The following HIVEP1 variants were observed in gnomAD, a reference collection of about 807,000 sequenced individuals.
HIVEP1 encodes zinc finger protein 40.
Under a neutral mutation model 180.0 loss-of-function variants are expected in HIVEP1, and 36 were observed. That is an observed-to-expected ratio of 0.20 (90% CI 0.15 to 0.26). The LOEUF (loss-of-function observed/expected upper bound fraction) is 0.26, where lower values mean the gene tolerates loss of function less well. Ranked by LOEUF, HIVEP1 falls within the 10% of genes least tolerant of loss-of-function variation. The pLI is 1.00. For synonymous variants in HIVEP1, 1,239 were observed against 1,239.0 expected (o/e 1.00, Z 0.00); for missense variants, 3,143 against 3,268.7 (o/e 0.96, Z 0.94).
Position 12,125,465 on chromosome 6 carries a change from CAAT to C in HIVEP1, c.5673_5675del (p.Asn1892del), listed in dbSNP as rs778314191. 13 of 1,613,976 alleles carry C rather than the reference CAAT, an allele frequency of 8.1e-6. No individual in the cohort carries two copies. The Admixed American group carries it at 1.0e-4, about 12-fold the overall frequency. On this transcript the variant is annotated inframe_deletion, in exon 4 of 9. Coordinates refer to ENST00000379388, the MANE Select transcript of HIVEP1 (RefSeq NM_002114.4). ...ATATTTCTCCTTTGAAATGTACAGA[CAAT>C]AACCAAGAAAGGAAGTCTCCAGGGG...
At chr6:12,053,187 G>T (rs1770646169) in intron 2 of HIVEP1, among the ~76,000 whole-genome samples, 1 of 152,028 alleles carries the variant, frequency 6.6e-6, no homozygotes, top group Non-Finnish European at 1.5e-5. Context: ...AGTAGACAAG[G>T]TATAAAATTA....
downstream of HIVEP1, among the ~76,000 whole-genome samples, chr6:12,165,489 T>C (rs1476018266): frequency 1.3e-5 from 2 of 152,182 alleles, no homozygotes; most frequent in African/African-American, 2.4e-5. Context: ...TGTCCAAGAT[T>C]ACCGAAGAGC....
intron 3 of HIVEP1, among the ~76,000 whole-genome samples, chr6:12,114,951 G>T (rs1775127213): frequency 6.6e-6 from 1 of 152,150 alleles, no homozygotes; most frequent in African/African-American, 2.4e-5. Context: ...TACTACTTAT[G>T]TTCCTAAGGC....
chr6:12,174,000 T>A, the HIVEP1 span, among the ~76,000 whole-genome samples: 1 of 152,216 alleles, frequency 6.6e-6, no homozygotes, highest in East Asian at 1.9e-4. Flanking sequence ...TGCCCTTTAA[T>A]ACATTTGAAT....
At chr6:12,157,777 T>G (rs1490419242) in intron 7 of HIVEP1, among the ~76,000 whole-genome samples, 2 of 152,182 alleles carry the variant, frequency 1.3e-5, no homozygotes, top group East Asian at 3.8e-4. Context: ...CCTGAGGAAC[T>G]TCCGTTTAAC....
chr6:12,186,462 C>G, the HIVEP1 span, among the ~76,000 whole-genome samples: 1 of 149,654 alleles, frequency 6.7e-6, no homozygotes, highest in Non-Finnish European at 1.5e-5. Context: ...TGTGAAGGAA[C>G]TTTCTGGGAT....
Position 12,125,349 on chromosome 6 carries a change from A to T in HIVEP1, c.5554A>T (p.Ile1852Leu). 1.9e-6 allele frequency: 3 copies of T among 1,614,214 alleles called. No individual in the cohort carries two copies. Among genetic ancestry groups the T allele is most frequent in the Non-Finnish European group, 2.5e-6 (3 of 1,180,036 alleles). The change falls in exon 4 of 9, where the codon ATA becomes TTA. Residue 1852 changes from isoleucine to leucine, a missense_variant. Coordinates refer to ENST00000379388, the MANE Select transcript of HIVEP1 (RefSeq NM_002114.4). ...GCSKFVVIEP[I>L]SELQEFENIK... ...CTCTAAATTTGTCGTTATAGAACCT[A>T]TAAGTGAATTGCAGGAATTTGAAAA...
chr6:12,153,952 C>T (rs988320206), intron 7 of HIVEP1, among the ~76,000 whole-genome samples: 7 of 152,066 alleles, frequency 4.6e-5, no homozygotes, highest in South Asian at 4.1e-4. Context: ...GTTCAAGACC[C>T]GCCTGACCAA....
In HIVEP1 at chr6:12,125,652, T is replaced by C. The variant is rs1471393345; in HGVS notation, c.5857T>C (p.Leu1953=). Reference sequence around the variant, plus strand: ...GTGTTATCTCTTAAGGCAGAAGTCGTTGCATTTGCCTCAGAAGGACCAGAA... The same window carrying C: ...GTGTTATCTCTTAAGGCAGAAGTCGCTGCATTTGCCTCAGAAGGACCAGAA... ...TWCYLLRQKS[L]HLPQKDQKTS... Residue 1953 remains leucine (L), a synonymous_variant, in exon 4 of 9, where the codon TTG becomes CTG. Transcript: ENST00000379388. The C allele has an allele frequency of 3.1e-6, 5 of 1,614,074 alleles. No homozygotes were observed. In the African/African-American group the frequency reaches 5.3e-5, roughly 17 times the overall value.
downstream of HIVEP1, among the ~76,000 whole-genome samples, chr6:12,166,408 C>T (rs369067828): frequency 5.9e-5 from 9 of 152,136 alleles, no homozygotes; most frequent in South Asian, 1.9e-3. Context: ...TTTCATAATG[C>T]TGTAATGTAC....
Position 12,164,629 on chromosome 6 carries a change from T to C in HIVEP1, c.*168T>C, listed in dbSNP as rs2113701030. Reference sequence around the variant, plus strand: ...GTTTTGTGTCAGCTCCAGCCATTTTTGTACATGTTGTATAGACAATTGTGC... The same window carrying C: ...GTTTTGTGTCAGCTCCAGCCATTTTCGTACATGTTGTATAGACAATTGTGC... On this transcript the variant is annotated 3_prime_UTR_variant, in exon 9 of 9. Transcript: ENST00000379388. 1.7e-6 allele frequency: 1 copy of C among 600,506 alleles called. No individual in the cohort carries two copies. The highest frequency in any genetic ancestry group is 2.9e-5 in the East Asian group (1 of 34,982). 37.2% of individuals were successfully genotyped at this position (600,506 alleles called of 1,614,324 possible).
At chr6:12,131,779 TAAA>T (rs143910763) in intron 6 of HIVEP1, among the ~76,000 whole-genome samples, 4 of 90,696 alleles carry the variant, frequency 4.4e-5, no homozygotes, top group Non-Finnish European at 8.3e-5. Context: ...GAGAAAACAG[TAAA>T]AAAAAAAAAA....
chr6:12,202,517 A>G, the HIVEP1 span, among the ~76,000 whole-genome samples: 1,817 of 152,282 alleles, frequency 0.012, 33 homozygotes, highest in African/African-American at 0.041. Flanking sequence ...AAATGGAAAA[A>G]TGACTATTTT....
At chr6:12,038,152 G>A (rs572510590) in intron 2 of HIVEP1, 1 of 172,624 alleles carries the variant, frequency 5.8e-6, no homozygotes, top group South Asian at 2.0e-4. Flanking sequence ...TTCTATTGAA[G>A]GCAAGGAACA....
At chr6:12,052,176 C>T (rs1046866662) in intron 2 of HIVEP1, among the ~76,000 whole-genome samples, 3 of 152,126 alleles carry the variant, frequency 2.0e-5, no homozygotes, top group African/African-American at 4.8e-5. Flanking sequence ...ATCAAGACCA[C>T]GGCATATGTA....
chr6:12,129,464 G>A, intron 4 of HIVEP1: 1 of 412,300 alleles, frequency 2.4e-6, no homozygotes, highest in South Asian at 2.1e-5. Context: ...ACTAAAAAAA[G>A]TTTCTGTTAA....
the HIVEP1 span, among the ~76,000 whole-genome samples, chr6:12,178,427 A>G: frequency 6.6e-6 from 1 of 152,224 alleles, no homozygotes; most frequent in South Asian, 2.1e-4. Context: ...CATCTCTACA[A>G]AAATATTTGT....
At position 12,026,676 on chromosome 6, in the gene HIVEP1, G is replaced by C. The variant is rs577154575; in HGVS notation, c.40+11008G>C. On this transcript the variant is annotated intron_variant, in intron 2 of 8. Coordinates refer to ENST00000379388, the MANE Select transcript of HIVEP1 (RefSeq NM_002114.4). ...TTTAAAGAAGATCGTTCGGTGGCTAGGCAGTATCTTTTATGTTAACATTAA... is the reference window on the plus strand; with the variant it reads ...TTTAAAGAAGATCGTTCGGTGGCTACGCAGTATCTTTTATGTTAACATTAA... 2.2e-4 allele frequency among the ~76,000 whole-genome samples: 34 copies of C among 152,282 alleles called. No homozygotes were observed. The East Asian group carries it at 4.2e-3, about 19-fold the overall frequency.
chr6:12,098,827 A>G (rs942282101), intron 3 of HIVEP1, among the ~76,000 whole-genome samples: 8 of 152,184 alleles, frequency 5.3e-5, no homozygotes, highest in African/African-American at 1.9e-4. Flanking sequence ...AACCAACAAT[A>G]TGGTGTTCTT....
Sources: allele counts gnomAD v4.1 joint callset (sites outside exome capture counted in the v4.1 genomes callset), GRCh38; gene constraint gnomAD v4.1.1; transcripts MANE v1.5; gene names NCBI Gene and HGNC (gene_info 2026-07-23, HGNC 2026-07-21).